DEFB135: variants seen among roughly 807,000 people sequenced by gnomAD.
DEFB135 encodes the protein beta-defensin 135.
Under a neutral mutation model 8.9 loss-of-function variants are expected in DEFB135, and 14 were observed. The ratio of observed to expected loss-of-function variants is 1.58; its 90% CI spans 1.04 to 2.47. The LOEUF (loss-of-function observed/expected upper bound fraction) is 2.47, where lower values mean the gene tolerates loss of function less well. DEFB135 is among the 30% of genes most tolerant of loss of function. The pLI is 0.00. For synonymous variants in DEFB135, 51 were observed against 34.5 expected, an observed-to-expected ratio of 1.48 and a Z score of -1.67; for missense variants, 135 against 94.2, an observed-to-expected ratio of 1.43 and a Z score of -1.79.
rs766501749 is a variant in DEFB135, at chr8:11,984,532, A to T, written c.176A>T (p.Asp59Val). The change falls in exon 2 of 2, where the codon GAT becomes GTT. Residue 59 changes from aspartate to valine, a missense_variant. By Grantham distance (152) the Asp-to-Val change is radical. Transcript: ENST00000382208. ...LKNEQYRILC[D>V]TIHLCCVNPK... Reference sequence around the variant, plus strand: ...AACGAACAATATCGTATTTTGTGTGATACTATACATTTGTGCTGTGTAAAC... The same window carrying T: ...AACGAACAATATCGTATTTTGTGTGTTACTATACATTTGTGCTGTGTAAAC... 4.4e-6 allele frequency: 7 copies of T among 1,578,840 alleles called. No homozygotes were observed. The highest frequency in any genetic ancestry group is 3.5e-6 in the Non-Finnish European group (4 of 1,153,406).
intron 1 of DEFB135, among the ~76,000 whole-genome samples, chr8:11,983,708 C>G (rs1029270799): frequency 6.6e-6 from 1 of 152,132 alleles, no homozygotes; most frequent in Admixed American, 6.5e-5. Flanking sequence ...AGGGGCAACT[C>G]AGGGCCACCC....
In DEFB135 at chr8:11,984,481, GT is replaced by G; in HGVS notation, c.126del (p.Thr43LeufsTer7). 6.3e-7 allele frequency: 1 copy of G among 1,583,708 alleles called. No homozygotes were observed. On this transcript the variant is annotated frameshift_variant, in exon 2 of 2. Coordinates refer to ENST00000382208, the MANE Select transcript of DEFB135 (RefSeq NM_001033017.3). LOFTEE classifies it high-confidence loss of function. The part of the protein sequence containing the change: ...KIFASCWRLQ[G>X]TCRPKCLKNE... Reference sequence around the variant, plus strand: ...TTTGCTTCATGTTGGCGACTGCAAGGTACTTGCCGGCCAAAATGTCTAAAAA... The same window carrying G: ...TTTGCTTCATGTTGGCGACTGCAAGGACTTGCCGGCCAAAATGTCTAAAAA...
intron 1 of DEFB135, 58 bp from the exon 2 acceptor site, chr8:11,984,363 A>G (rs1028034513): frequency 7.8e-5 from 102 of 1,304,144 alleles, no homozygotes; most frequent in Non-Finnish European, 9.9e-5. Context: ...AATTTTATCC[A>G]TGACAACATG....
chr8:11,982,483 A>G lies in DEFB135; in HGVS notation c.64+99A>G, dbSNP rs545693021. 9 of 1,359,470 alleles carry G rather than the reference A, an allele frequency of 6.6e-6. No homozygotes were observed. The East Asian group carries it at 1.8e-4, about 28-fold the overall frequency. The allele number at this position is 1,359,470 out of a possible 1,614,324, so 84.2% of individuals were successfully genotyped here. ...GAAAAAGGCAGGACTTGGACAAAGG[A>G]AGCTGCAACAGGGAGGAAAGTGAGC... On this transcript the variant is annotated intron_variant, in intron 1 of 1. Transcript: ENST00000382208.
intron 1 of DEFB135, 116 bp downstream of exon 1, chr8:11,982,500 A>T: frequency 8.7e-7 from 1 of 1,147,166 alleles, no homozygotes; most frequent in Admixed American, 1.9e-5. Flanking sequence ...AACAGGGAGG[A>T]AAGTGAGCAG....
At chr8:11,982,838 C>T (rs1799763423) in intron 1 of DEFB135, among the ~76,000 whole-genome samples, 3 of 152,196 alleles carry the variant, frequency 2.0e-5, no homozygotes, top group Non-Finnish European at 4.4e-5. Context: ...TCCACAGACA[C>T]AGCTGGTTAA....
At chr8:11,982,503 G>A in intron 1 of DEFB135, 119 bp downstream of exon 1, 1 of 1,099,086 alleles carries the variant, frequency 9.1e-7, no homozygotes, top group Non-Finnish European at 1.4e-6. Context: ...AGGGAGGAAA[G>A]TGAGCAGAGA....
intron 1 of DEFB135, among the ~76,000 whole-genome samples, chr8:11,984,001 C>A (rs1799796322): frequency 6.6e-6 from 1 of 152,116 alleles, no homozygotes; most frequent in Non-Finnish European, 1.5e-5. Flanking sequence ...CTTCAGTGAT[C>A]CTTCTTTCTT....
intron 1 of DEFB135, among the ~76,000 whole-genome samples, chr8:11,983,521 T>A (rs879450266): frequency 6.6e-6 from 1 of 152,140 alleles, no homozygotes; most frequent in Non-Finnish European, 1.5e-5. Context: ...GACTCCTTTG[T>A]CCCCAGAAAA....
intron 1 of DEFB135, among the ~76,000 whole-genome samples, chr8:11,983,319 G>A (rs1225550071): frequency 6.6e-6 from 1 of 152,196 alleles, no homozygotes; most frequent in Non-Finnish European, 1.5e-5. Context: ...GAACCCAGGA[G>A]GCGGAGATTG....
At chr8:11,983,434 G>A (rs551008856) in intron 1 of DEFB135, among the ~76,000 whole-genome samples, 21 of 152,218 alleles carry the variant, frequency 1.4e-4, no homozygotes, top group African/African-American at 5.1e-4. Context: ...AGACAGATAC[G>A]AATGAGGACC....
intron 1 of DEFB135, among the ~76,000 whole-genome samples, chr8:11,983,482 C>G (rs1799782707): frequency 6.6e-6 from 1 of 152,172 alleles, no homozygotes; most frequent in South Asian, 2.1e-4. Context: ...ATGGTGGGAC[C>G]TCCGACACTT....
At chr8:11,982,654 G>T (rs187549250) in intron 1 of DEFB135, among the ~76,000 whole-genome samples, 3 of 152,310 alleles carry the variant, frequency 2.0e-5, no homozygotes, top group South Asian at 4.1e-4. Context: ...TGGACTGTTG[G>T]TACTGGCAGA....
chr8:11,984,402 C>T lies in DEFB135; in HGVS notation c.65-19C>T, dbSNP rs1441531332. The T allele has an allele frequency of 1.3e-6, 2 of 1,504,186 alleles. No homozygotes were observed. Among genetic ancestry groups the T allele is most frequent in the South Asian group, 1.3e-5 (1 of 74,160 alleles). The allele number at this position is 1,504,186 out of a possible 1,614,324, so 93.2% of individuals were successfully genotyped here. A position where few individuals can be genotyped will look rare whatever the true frequency, so the allele number is the denominator to read the frequency against. ...CTTCAGGACACTAACTGTGCATTAA[C>T]CTTTGTTTCTCTTGGCAGGTAGAAG... On this transcript the variant is annotated intron_variant, in intron 1 of 1. Transcript: ENST00000382208.
At chr8:11,983,682 G>C (rs377316401) in intron 1 of DEFB135, among the ~76,000 whole-genome samples, 1 of 152,194 alleles carries the variant, frequency 6.6e-6, no homozygotes. Flanking sequence ...TAGCATGCAA[G>C]AGCAGGTGAT....
chr8:11,984,401 A>T lies in DEFB135; in HGVS notation c.65-20A>T. 2 of 1,501,632 alleles carry T rather than the reference A, an allele frequency of 1.3e-6. No homozygotes were observed. The highest frequency in any genetic ancestry group is 1.8e-6 in the Non-Finnish European group (2 of 1,110,532). The allele number at this position is 1,501,632 out of a possible 1,614,324, so 93.0% of individuals were successfully genotyped here. Reference sequence around the variant, plus strand: ...ACTTCAGGACACTAACTGTGCATTAACCTTTGTTTCTCTTGGCAGGTAGAA... The same window carrying T: ...ACTTCAGGACACTAACTGTGCATTATCCTTTGTTTCTCTTGGCAGGTAGAA... On this transcript the variant is annotated intron_variant, in intron 1 of 1. Transcript: ENST00000382208.
chr8:11,982,524 G>C, intron 1 of DEFB135, 140 bp downstream of exon 1: 1 of 856,402 alleles, frequency 1.2e-6, no homozygotes, highest in Non-Finnish European at 1.9e-6. Flanking sequence ...TGGACATGCT[G>C]GGCTGGTCCA....
At position 11,984,530 on chromosome 8, in the gene DEFB135, T is replaced by G. The variant is rs1563109192; in HGVS notation, c.174T>G (p.Cys58Trp). The G allele has an allele frequency of 1.3e-6, 2 of 1,583,684 alleles. No individual in the cohort carries two copies. Among genetic ancestry groups the G allele is most frequent in the East Asian group, 4.5e-5 (2 of 44,104 alleles). Residue 58 changes from cysteine to tryptophan, a missense_variant, in exon 2 of 2, where the codon TGT becomes TGG. Coordinates refer to ENST00000382208, the MANE Select transcript of DEFB135 (RefSeq NM_001033017.3). ...CLKNEQYRIL[C>W]DTIHLCCVNP... ...AAAACGAACAATATCGTATTTTGTG[T>G]GATACTATACATTTGTGCTGTGTAA...
At chr8:11,983,454 T>A (rs1033513419) in intron 1 of DEFB135, among the ~76,000 whole-genome samples, 4 of 152,144 alleles carry the variant, frequency 2.6e-5, no homozygotes, top group African/African-American at 9.7e-5. Context: ...CATGTTGAGA[T>A]GATGGCTGAT....
Sources: gnomAD v4.1 joint callset for allele counts (sites outside exome capture counted in the v4.1 genomes callset) on GRCh38, gnomAD v4.1.1 for gene constraint, MANE v1.5 for transcripts, NCBI Gene and HGNC (gene_info 2026-07-23, HGNC 2026-07-21) for gene names.